The following AP2B1 variants were observed in gnomAD, a reference collection of about 807,000 sequenced individuals.
AP2B1 encodes AP-2 complex subunit beta.
Under a neutral mutation model 102.0 loss-of-function variants are expected in AP2B1, and 23 were observed. The observed-to-expected ratio is 0.23, with a 90% CI of 0.16 to 0.32. The LOEUF (loss-of-function observed/expected upper bound fraction) is 0.32. Ranked by LOEUF, AP2B1 falls within the 10% of genes least tolerant of loss-of-function variation. AP2B1 has a pLI of 1.00. For missense variants in AP2B1, 541 were observed against 1,157.4 expected (o/e 0.47, Z 7.73); for synonymous variants, 381 against 421.2 (o/e 0.90, Z 1.17).
intron 5 of AP2B1, among the ~76,000 whole-genome samples, chr17:35,611,819 C>T (rs955352082): frequency 1.3e-5 from 2 of 152,152 alleles, no homozygotes. Context: ...CTTTCCCCAT[C>T]CCCTAGCTAT....
At chr17:35,720,545 T>TTTTATATATATATATATATATATATA (rs1402145369) in intron 21 of AP2B1, among the ~76,000 whole-genome samples, 7 of 54,374 alleles carry the variant, frequency 1.3e-4, no homozygotes, top group African/African-American at 5.8e-4. Flanking sequence ...TTTATTTTAT[T>TTTTATATATATATATATATATATATA]TATATATATA....
rs545592197 is a variant in AP2B1, at chr17:35,638,077, T to C, written c.1272-1518T>C. Among the ~76,000 whole-genome samples, 31 of 152,320 alleles carry C rather than the reference T, an allele frequency of 2.0e-4. 1 individual carries two copies. Among genetic ancestry groups the C allele is most frequent in the Admixed American group, 1.8e-3 (28 of 15,298 alleles). The stretch of plus-strand genomic sequence containing the variant: ...CTGGACACATACTCCTGGGCTTAAG[T>C]GATCCTCTTGCCTCAGCCTCTCCAG... On this transcript the variant is annotated intron_variant, in intron 10 of 21. Transcript: ENST00000610402.
rs587743642 is a variant in AP2B1, at chr17:35,719,423, G to A, written c.2781+2074G>A. Among the ~76,000 whole-genome samples, 7 of 151,536 alleles carry A rather than the reference G, an allele frequency of 4.6e-5. No individual in the cohort carries two copies. The East Asian group carries it at 9.7e-4, about 21-fold the overall frequency. ...AGACTCTCACCCCAGCCCTAACCCC[G>A]GCAGCCTTTCTCCATTACTATAATT... On this transcript the variant is annotated intron_variant, in intron 21 of 21. Coordinates refer to ENST00000610402, the MANE Select transcript of AP2B1 (RefSeq NM_001030006.2).
intron 18 of AP2B1, among the ~76,000 whole-genome samples, chr17:35,691,459 A>G (rs1017166278): frequency 1.3e-5 from 2 of 152,212 alleles, no homozygotes; most frequent in Non-Finnish European, 2.9e-5. Context: ...GCTCCCATCA[A>G]ATGAAGCAAA....
At chr17:35,715,273 T>C (rs188028690) in intron 20 of AP2B1, among the ~76,000 whole-genome samples, 8 of 152,366 alleles carry the variant, frequency 5.3e-5, no homozygotes, top group Non-Finnish European at 8.8e-5. Flanking sequence ...GTTTGGCATG[T>C]TTTCTAATTC....
At chr17:35,700,389 T>C (rs1291072116) in intron 18 of AP2B1, among the ~76,000 whole-genome samples, 1 of 151,922 alleles carries the variant, frequency 6.6e-6, no homozygotes, top group African/African-American at 2.4e-5. Flanking sequence ...GGTCCTAGCT[T>C]GGACCAGCCT....
rs945727851 is a variant in AP2B1, at chr17:35,701,562, G to T, written c.2455-7662G>T. On this transcript the variant is annotated intron_variant, in intron 18 of 21. Coordinates refer to ENST00000610402, the MANE Select transcript of AP2B1 (RefSeq NM_001030006.2). ...TCCATTCTTTCCTCTTCTATTACGG[G>T]AAATACACTAGAAAAATGTGAGAAG... is the stretch of plus-strand genomic sequence containing the variant. 1.2e-4 allele frequency among the ~76,000 whole-genome samples: 19 copies of T among 152,198 alleles called. 1 individual carries two copies. The highest frequency in any genetic ancestry group is 2.5e-4 in the Non-Finnish European group (17 of 68,002).
At chr17:35,720,584 T>A (rs1328769728) in intron 21 of AP2B1, among the ~76,000 whole-genome samples, 482 of 109,914 alleles carry the variant, frequency 4.4e-3, no homozygotes, top group Non-Finnish European at 6.2e-3. Context: ...TTTTTTTTTT[T>A]TTTTTTTTTT....
Position 35,723,679 on chromosome 17 carries a change from G to A in AP2B1, c.2836G>A (p.Asp946Asn), listed in dbSNP as rs146388051. Residue 946 changes from aspartate to asparagine, a missense_variant, in exon 22 of 22, where the codon GAC becomes AAC. Coordinates refer to ENST00000610402, the MANE Select transcript of AP2B1 (RefSeq NM_001030006.2). ...CTCTCAATACATCTATCAGGTCTAC[G>A]ACAGCATTTTGAAAAACTAACAAGA... ...EVSQYIYQVYDSILKN is the reference protein window; with the variant it reads ...EVSQYIYQVYNSILKN 1.7e-4 allele frequency: 276 copies of A among 1,612,500 alleles called. No individual in the cohort carries two copies. Among genetic ancestry groups the A allele is most frequent in the Non-Finnish European group, 2.2e-4 (255 of 1,178,726 alleles).
At chr17:35,595,122 A>T (rs2073224898) in intron 2 of AP2B1, among the ~76,000 whole-genome samples, 1 of 152,158 alleles carries the variant, frequency 6.6e-6, no homozygotes, top group African/African-American at 2.4e-5. Flanking sequence ...TGTTGTCTGT[A>T]GCTTTCAGTC....
intron 20 of AP2B1, among the ~76,000 whole-genome samples, chr17:35,716,002 T>C (rs226434): frequency 0.37 from 56,801 of 151,944 alleles, 10,994 homozygotes; most frequent in African/African-American, 0.48. Flanking sequence ...TATTGGCATC[T>C]CCAACACCTA....
chr17:35,604,458 A>G (rs533658105), intron 3 of AP2B1, among the ~76,000 whole-genome samples: 7 of 140,702 alleles, frequency 5.0e-5, no homozygotes, highest in South Asian at 4.4e-4. Context: ...AAGGTAGTGG[A>G]AAAAAAAAAA....
At chr17:35,678,817 T>A (rs758569361) in intron 17 of AP2B1, among the ~76,000 whole-genome samples, 1 of 152,058 alleles carries the variant, frequency 6.6e-6, no homozygotes, top group Non-Finnish European at 1.5e-5. Flanking sequence ...TATGATTTAC[T>A]TTTTTTTATT....
chr17:35,684,515 A>G (rs760216981), intron 18 of AP2B1, among the ~76,000 whole-genome samples: 1 of 152,234 alleles, frequency 6.6e-6, no homozygotes, highest in Non-Finnish European at 1.5e-5. Flanking sequence ...TTCACTAACT[A>G]CCTTGTTGCC....
At chr17:35,617,268 C>G (rs2074050600) in intron 5 of AP2B1, among the ~76,000 whole-genome samples, 1 of 152,116 alleles carries the variant, frequency 6.6e-6, no homozygotes, top group Admixed American at 6.6e-5. Flanking sequence ...GTTGGCCATG[C>G]TGGTCTTGAA....
intron 17 of AP2B1, among the ~76,000 whole-genome samples, chr17:35,677,797 T>A (rs2075732763): frequency 6.6e-6 from 1 of 152,172 alleles, no homozygotes; most frequent in Non-Finnish European, 1.5e-5. Context: ...ATAATTTTTT[T>A]ATGCACAAAT....
intron 18 of AP2B1, among the ~76,000 whole-genome samples, chr17:35,696,456 T>C (rs1348371045): frequency 1.3e-5 from 2 of 149,866 alleles, no homozygotes; most frequent in African/African-American, 2.5e-5. Context: ...TTGCCCAGGC[T>C]GGAGTCAATG....
At chr17:35,661,025 A>AT (rs2142900015) in intron 14 of AP2B1, among the ~76,000 whole-genome samples, 1 of 152,298 alleles carries the variant, frequency 6.6e-6, no homozygotes, top group Non-Finnish European at 1.5e-5. Context: ...CTCAGTGATC[A>AT]TTTCAGGAAG....
At chr17:35,664,778 T>C (rs1201495976) in intron 14 of AP2B1, among the ~76,000 whole-genome samples, 1 of 152,192 alleles carries the variant, frequency 6.6e-6, no homozygotes, top group Non-Finnish European at 1.5e-5. Flanking sequence ...AATGATAAAG[T>C]AGCAAATGCT....
Sources: allele counts gnomAD v4.1 joint callset (sites outside exome capture counted in the v4.1 genomes callset), GRCh38; gene constraint gnomAD v4.1.1; transcripts MANE v1.5; gene names NCBI Gene and HGNC (gene_info 2026-07-23, HGNC 2026-07-21).